The following LOC400499 variants were observed in gnomAD, a reference collection of about 807,000 sequenced individuals.
the LOC400499 span, among the ~76,000 whole-genome samples, chr16:11,516,657 A>G: frequency 2.0e-5 from 3 of 152,142 alleles, no homozygotes; most frequent in Admixed American, 2.0e-4. Flanking sequence ...ACCCCAAAAT[A>G]TGCCACTTGG....
At chr16:11,436,517 T>C in the LOC400499 span, among the ~76,000 whole-genome samples, 1 of 152,070 alleles carries the variant, frequency 6.6e-6, no homozygotes, top group Non-Finnish European at 1.5e-5. Context: ...AGTTTCCCCA[T>C]CTGCAAAGCA....
At chr16:11,523,677 G>C in the LOC400499 span, 1 of 378,378 alleles carries the variant, frequency 2.6e-6, no homozygotes, top group Non-Finnish European at 4.7e-6. Context: ...ATTTGCTCTT[G>C]TTCATCTTGG....
the LOC400499 span, among the ~76,000 whole-genome samples, chr16:11,438,807 C>T: frequency 2.0e-5 from 3 of 151,342 alleles, no homozygotes; most frequent in Admixed American, 6.6e-5. Context: ...TTTTAAAATG[C>T]TATCGGGCTA....
At chr16:11,403,146 G>C in the LOC400499 span, among the ~76,000 whole-genome samples, 1 of 152,126 alleles carries the variant, frequency 6.6e-6, no homozygotes, top group Non-Finnish European at 1.5e-5. Flanking sequence ...CCCACAGCAG[G>C]AGGCTGCCCG....
chr16:11,521,437 T>C, the LOC400499 span, among the ~76,000 whole-genome samples: 1 of 152,184 alleles, frequency 6.6e-6, no homozygotes, highest in African/African-American at 2.4e-5. Flanking sequence ...GCCTAGCTCA[T>C]AATTCTGCCT....
chr16:11,504,452 A>G, the LOC400499 span, among the ~76,000 whole-genome samples: 1 of 152,058 alleles, frequency 6.6e-6, no homozygotes, highest in East Asian at 1.9e-4. Flanking sequence ...GCTATTCAGG[A>G]GGCTGAGGCA....
the LOC400499 span, chr16:11,443,497 G>GAGAGAGAGAGAGAA: frequency 2.8e-6 from 1 of 353,938 alleles, no homozygotes; most frequent in Non-Finnish European, 5.4e-6. Flanking sequence ...AAAAAAGAGA[G>GAGAGAGAGAGAGAA]AGAGAGAGAA....
chr16:11,445,828 G>C, the LOC400499 span, among the ~76,000 whole-genome samples: 2 of 118,246 alleles, frequency 1.7e-5, no homozygotes, highest in African/African-American at 6.3e-5. Context: ...ACCCAGTCAG[G>C]AGAACCTTTT....
At chr16:11,521,483 G>C in the LOC400499 span, among the ~76,000 whole-genome samples, 24 of 152,286 alleles carry the variant, frequency 1.6e-4, no homozygotes, top group African/African-American at 5.5e-4. Context: ...CTTAGTGTTT[G>C]CCTATAACCT....
chr16:11,513,443 ATTTATTGAGATGGAGT>A, the LOC400499 span, among the ~76,000 whole-genome samples: 8 of 150,824 alleles, frequency 5.3e-5, no homozygotes, highest in Non-Finnish European at 7.4e-5. Context: ...TTATTTATTT[ATTTATTGAGATGGAGT>A]CTTACTCTAT....
chr16:11,480,345 C>G, the LOC400499 span, among the ~76,000 whole-genome samples: 1 of 152,220 alleles, frequency 6.6e-6, no homozygotes, highest in Non-Finnish European at 1.5e-5. Flanking sequence ...CTTTTAACAG[C>G]AAGGATTATT....
At chr16:11,390,345 C>T in the LOC400499 span, 7 of 1,233,816 alleles carry the variant, frequency 5.7e-6, no homozygotes, top group African/African-American at 7.7e-5. Context: ...CTTTGCCTGG[C>T]ATCCCGGGCA....
chr16:11,447,800 G>C, the LOC400499 span: 1 of 1,237,798 alleles, frequency 8.1e-7, no homozygotes, highest in Non-Finnish European at 1.1e-6. Context: ...TGGGATTTAG[G>C]TTCCATCTGG....
chr16:11,383,775 A>G, the LOC400499 span: 1 of 1,232,208 alleles, frequency 8.1e-7, no homozygotes, highest in South Asian at 4.1e-5. Context: ...GGAATGGTGT[A>G]GGGTCTACCT....
the LOC400499 span, among the ~76,000 whole-genome samples, chr16:11,507,229 G>A: frequency 2.6e-5 from 4 of 152,282 alleles, no homozygotes; most frequent in South Asian, 2.1e-4. Flanking sequence ...ACAGAGCAGC[G>A]GTCCCCTACT....
the LOC400499 span, among the ~76,000 whole-genome samples, chr16:11,405,297 A>G: frequency 6.6e-6 from 1 of 152,348 alleles, no homozygotes; most frequent in East Asian, 1.9e-4. Context: ...TTTCTCAATC[A>G]TGTAGCGAGC....
chr16:11,476,184 CAG>C, the LOC400499 span, among the ~76,000 whole-genome samples: 2 of 150,148 alleles, frequency 1.3e-5, no homozygotes, highest in Non-Finnish European at 3.0e-5. Context: ...GGGCAGGGAA[CAG>C]GGGCAGATGC....
chr16:11,382,975 A>AAGC, the LOC400499 span, among the ~76,000 whole-genome samples: 83 of 152,232 alleles, frequency 5.5e-4, 1 homozygote, highest in African/African-American at 1.8e-3. Context: ...CAGGCTGTAC[A>AAGC]AGCACGCCTC....
chr16:11,490,426 G>A, the LOC400499 span, among the ~76,000 whole-genome samples: 578 of 148,654 alleles, frequency 3.9e-3, 10 homozygotes, highest in African/African-American at 0.014. Context: ...AAGTCCGGGC[G>A]CAGTGGCTCA....
Sources: allele counts gnomAD v4.1 joint callset (sites outside exome capture counted in the v4.1 genomes callset), GRCh38; gene constraint gnomAD v4.1.1; transcripts MANE v1.5.